Variants in TRIP11 observed in about 807,000 individuals in gnomAD.
The protein encoded by TRIP11 is thyroid hormone receptor interactor 11, also known as thyroid receptor-interacting protein 11.
A neutral mutation model predicts 223.1 loss-of-function variants in TRIP11; 148 were observed. The observed-to-expected ratio is 0.66, with a 90% CI of 0.58 to 0.76. The LOEUF (loss-of-function observed/expected upper bound fraction) is 0.76. Among genes scored for constraint, TRIP11 ranks in the 30% least tolerant of loss-of-function variants. The probability of loss-of-function intolerance (pLI) is 0.00; values close to 1 mark genes in which losing one functional copy is unlikely to be tolerated. For missense variants in TRIP11, 2,043 were observed against 2,222.0 expected (o/e 0.92, Z 1.62); for synonymous variants, 762 against 772.6 (o/e 0.99, Z 0.23).
intron 16 of TRIP11, among the ~76,000 whole-genome samples, chr14:91,981,306 G>A (rs1260959452): frequency 2.0e-5 from 3 of 150,778 alleles, no homozygotes; most frequent in Non-Finnish European, 4.4e-5. Flanking sequence ...GTGAACCACC[G>A]CACCCGGCCC....
rs1177530790 is a variant in TRIP11, at chr14:91,978,711, C to A, written c.5261-2522G>T. ...ATGGGGTCTCACGATATTGCCTGGG[C>A]TGATCTCAAACTCCTGCGTTCAAGT... On this transcript the variant is annotated intron_variant, in intron 16 of 20. Coordinates refer to ENST00000267622, the MANE Select transcript of TRIP11 (RefSeq NM_004239.4). This position sits in a 1 kb window ranked among gnomAD's most constrained non-coding sequence, Gnocchi z 4.4. Among the ~76,000 whole-genome samples the A allele has an allele frequency of 6.6e-6, 1 of 152,094 alleles. No individual in the cohort carries two copies. Among genetic ancestry groups the A allele is most frequent in the Non-Finnish European group, 1.5e-5 (1 of 68,012 alleles).
chr14:92,006,940 T>A (rs1273108036), intron 10 of TRIP11, among the ~76,000 whole-genome samples: 1 of 152,192 alleles, frequency 6.6e-6, no homozygotes, highest in African/African-American at 2.4e-5. Context: ...AGTGTTGGGA[T>A]TACAGGCATG....
chr14:92,021,953 C>G, intron 3 of TRIP11, 122 bp from the exon 4 acceptor site: 1 of 1,045,008 alleles, frequency 9.6e-7, no homozygotes, highest in South Asian at 1.4e-5. Flanking sequence ...TGATGGTCCT[C>G]TATCAACTGA....
chr14:91,983,448 G>T (rs151282679), intron 16 of TRIP11, among the ~76,000 whole-genome samples: 8 of 152,174 alleles, frequency 5.3e-5, no homozygotes, highest in African/African-American at 1.9e-4. Flanking sequence ...AGAAATAAGG[G>T]CAAGGACACA....
chr14:91,980,875 T>A (rs1052947244), intron 16 of TRIP11, among the ~76,000 whole-genome samples: 14 of 151,294 alleles, frequency 9.3e-5, no homozygotes, highest in Non-Finnish European at 1.8e-4. Context: ...ATAAGGAAAT[T>A]TAACCTCTTC....
At chr14:92,017,804 G>A (rs981776306) in intron 4 of TRIP11, 54 bp from the exon 5 acceptor site, 9 of 1,483,634 alleles carry the variant, frequency 6.1e-6, no homozygotes, top group Non-Finnish European at 7.5e-6. Flanking sequence ...CTTGTCAACA[G>A]AAAGTCACAA....
intron 4 of TRIP11, among the ~76,000 whole-genome samples, chr14:92,019,306 C>T (rs1329929775): frequency 6.6e-6 from 1 of 152,022 alleles, no homozygotes; most frequent in Non-Finnish European, 1.5e-5. Flanking sequence ...TCAGAATCAC[C>T]AGGGCTATTT....
At chr14:91,994,258 CTTTTT>C (rs539125037) in intron 14 of TRIP11, among the ~76,000 whole-genome samples, 2 of 127,448 alleles carry the variant, frequency 1.6e-5, no homozygotes, top group African/African-American at 3.3e-5. Context: ...ACCTCAAAAA[CTTTTT>C]TTTTTTTTTT....
chr14:92,034,064 G>C (rs1249147906), intron 1 of TRIP11, among the ~76,000 whole-genome samples: 1 of 152,174 alleles, frequency 6.6e-6, no homozygotes, highest in African/African-American at 2.4e-5. Flanking sequence ...GTGTTTTACT[G>C]TCTGCTTTTT....
At chr14:92,025,484 C>A in intron 2 of TRIP11, 64 bp from the exon 3 acceptor site, 1 of 1,173,140 alleles carries the variant, frequency 8.5e-7, no homozygotes, top group Non-Finnish European at 1.2e-6. Context: ...GTTATGTGCA[C>A]AGCATTATGA....
Position 92,025,313 on chromosome 14 carries a change from T to C in TRIP11, c.309A>G (p.Lys103=). Residue 103 remains lysine, a synonymous_variant, in exon 3 of 21, where the codon AAA becomes AAG. Transcript: ENST00000267622. The stretch of plus-strand genomic sequence containing the variant: ...AAGTAACTGTGATAACATTTACCTC[T>C]TTTTGTTGAAGTTGATTTCGGTAAC... ...STSYRNQLQQ[K]EVEISHLKAR... 6.2e-7 allele frequency: 1 copy of C among 1,611,306 alleles called. No homozygotes were observed. The highest frequency in any genetic ancestry group is 8.5e-7 in the Non-Finnish European group (1 of 1,177,830).
In TRIP11 at chr14:92,025,424, GA is replaced by G. The variant is rs751744972; in HGVS notation, c.202-5del. ...AAAGTTTCTTAAGCCTTTCATTCTA[GA>G]AAAAAAAAGTATTTTCAACAAAAAG... On this transcript the variant is annotated splice_polypyrimidine_tract_variant and splice_region_variant and intron_variant, in intron 2 of 20. Coordinates refer to ENST00000267622, the MANE Select transcript of TRIP11 (RefSeq NM_004239.4). The G allele has an allele frequency of 3.0e-5, 48 of 1,585,230 alleles. No individual in the cohort carries two copies. The highest frequency in any genetic ancestry group is 1.8e-4 in the East Asian group (8 of 44,342).
intron 1 of TRIP11, among the ~76,000 whole-genome samples, chr14:92,038,292 C>T (rs944241353): frequency 1.3e-5 from 2 of 152,160 alleles, no homozygotes; most frequent in Non-Finnish European, 2.9e-5. Flanking sequence ...GTCTAAGGAA[C>T]AGCCAACCGT....
rs1187057026 is a variant in TRIP11, at chr14:91,975,231, G to T, written c.5398C>A (p.His1800Asn). ...GHFHTPKNQR[H>N]EVLRLMGSIL... Reference sequence around the variant, plus strand: ...CTCCCCATTAACCGTAACACTTCATGACGCTGATTTTTCGGTGTGTGGAAA... The same window carrying T: ...CTCCCCATTAACCGTAACACTTCATTACGCTGATTTTTCGGTGTGTGGAAA... Residue 1800 changes from histidine (H) to asparagine (N), a missense_variant, in exon 18 of 21, where the codon CAT becomes AAT. By Grantham distance (68) the His-to-Asn change is moderately conservative (BLOSUM62 1). Coordinates refer to ENST00000267622, the MANE Select transcript of TRIP11 (RefSeq NM_004239.4). 6.2e-7 allele frequency: 1 copy of T among 1,613,784 alleles called. No individual in the cohort carries two copies. Among genetic ancestry groups the T allele is most frequent in the South Asian group, 1.1e-5 (1 of 91,060 alleles).
intron 7 of TRIP11, among the ~76,000 whole-genome samples, chr14:92,012,563 T>C (rs1214591534): frequency 6.6e-6 from 1 of 151,980 alleles, no homozygotes; most frequent in Non-Finnish European, 1.5e-5. Flanking sequence ...GGCCAAGAAG[T>C]GGCAGTGCTA....
Position 92,033,233 on chromosome 14 carries a change from T to C in TRIP11, c.160A>G (p.Thr54Ala). ...GCATGAATGGCTTCAATTTCCTTTGTCCTAGAATCAGGTAATTCTGCTACA... is the reference window on the plus strand; with the variant it reads ...GCATGAATGGCTTCAATTTCCTTTGCCCTAGAATCAGGTAATTCTGCTACA... ...EVEAELPDSRTKEIEAIHAIL... is the reference protein window; with the variant it reads ...EVEAELPDSRAKEIEAIHAIL... Residue 54 changes from threonine (T) to alanine (A), a missense_variant, in exon 2 of 21, where the codon ACA becomes GCA. Transcript: ENST00000267622. The C allele has an allele frequency of 6.2e-7, 1 of 1,612,938 alleles. No individual in the cohort carries two copies. The highest frequency in any genetic ancestry group is 2.2e-5 in the East Asian group (1 of 44,686).
At chr14:91,995,161 A>G (rs2056733664) in intron 14 of TRIP11, among the ~76,000 whole-genome samples, 191 bp downstream of exon 14, 1 of 152,214 alleles carries the variant, frequency 6.6e-6, no homozygotes, top group African/African-American at 2.4e-5. Flanking sequence ...ATTACTAAAT[A>G]AAGTTTATTT....
In TRIP11 at chr14:92,037,553, T is replaced by C. The variant is rs947042141; in HGVS notation, c.139+1994A>G. 1.3e-5 allele frequency among the ~76,000 whole-genome samples: 2 copies of C among 152,246 alleles called. No homozygotes were observed. Among genetic ancestry groups the C allele is most frequent in the African/African-American group, 4.8e-5 (2 of 41,460 alleles). ...AAGCAAGCATATATATGTGCACATG[T>C]ACAGCAACTGGTATGGCAACTAGAA... is the stretch of plus-strand genomic sequence containing the variant. On this transcript the variant is annotated intron_variant, in intron 1 of 20. Transcript: ENST00000267622. This position sits in a 1 kb window ranked among gnomAD's most constrained non-coding sequence, Gnocchi z 4.2.
intron 3 of TRIP11, 39 bp downstream of exon 3, chr14:92,025,271 A>G (rs777662207): frequency 7.1e-7 from 1 of 1,407,268 alleles, no homozygotes. Context: ...TAAATACATT[A>G]CAGTGAAGTA....
Sources: allele counts gnomAD v4.1 joint callset (sites outside exome capture counted in the v4.1 genomes callset), GRCh38; gene constraint gnomAD v4.1.1; non-coding constraint Gnocchi (gnomAD v3.1); transcripts MANE v1.5; gene names NCBI Gene and HGNC (gene_info 2026-07-23, HGNC 2026-07-21).